Variants in MAP2K5 observed in about 807,000 individuals in gnomAD.
The protein encoded by MAP2K5 is mitogen-activated protein kinase kinase 5.
Under a neutral mutation model 83.1 loss-of-function variants are expected in MAP2K5, and 49 were observed. The observed-to-expected ratio is 0.59, with a 90% confidence interval of 0.47 to 0.75. The LOEUF is 0.75. Ranked by LOEUF, MAP2K5 falls within the 30% of genes least tolerant of loss-of-function variation. MAP2K5 has a pLI of 0.00. For synonymous variants in MAP2K5, 202 were observed against 191.8 expected (o/e 1.05, Z -0.44); for missense variants, 457 against 557.5 (o/e 0.82, Z 1.82).
Position 67,769,888 on chromosome 15 carries a change from A to C in MAP2K5, c.1196+225A>C, listed in dbSNP as rs2090109861. On this transcript the variant is annotated intron_variant, in intron 20 of 21. Transcript: ENST00000178640. The surrounding 1 kb of genome is among the most constrained non-coding windows in gnomAD (Gnocchi z 5.2). ...TACTTCAGAGCCTTTTTCCTGATTT[A>C]ATAAACTGCTGAAAGTCATGATACT... The C allele has an allele frequency of 2.3e-6, 1 of 430,726 alleles. No homozygotes were observed. Among genetic ancestry groups the C allele is most frequent in the East Asian group, 3.8e-5 (1 of 26,596 alleles). The allele number at this position is 430,726 out of a possible 1,614,324, so 26.7% of individuals were successfully genotyped here.
chr15:67,585,451 T>C (rs1473359802), intron 4 of MAP2K5, among the ~76,000 whole-genome samples: 2 of 152,236 alleles, frequency 1.3e-5, no homozygotes, highest in African/African-American at 4.8e-5. Flanking sequence ...TGTTCCATCG[T>C]AGAATCCCTA....
At chr15:67,707,828 A>G (rs2088593047) in intron 16 of MAP2K5, among the ~76,000 whole-genome samples, 1 of 152,254 alleles carries the variant, frequency 6.6e-6, no homozygotes. Context: ...ATCCCTGTAA[A>G]CACTTAAGGA....
chr15:67,574,494 C>T (rs562070848), intron 3 of MAP2K5, among the ~76,000 whole-genome samples: 1 of 151,432 alleles, frequency 6.6e-6, no homozygotes, highest in East Asian at 1.9e-4. Context: ...ATCACTTGAA[C>T]CCAGGAGGCG....
intron 16 of MAP2K5, among the ~76,000 whole-genome samples, chr15:67,718,366 T>A (rs1019814181): frequency 6.6e-6 from 1 of 152,178 alleles, no homozygotes; most frequent in Non-Finnish European, 1.5e-5. Context: ...ACAAACTTTT[T>A]AAAAGGGTGT....
Position 67,665,647 on chromosome 15 carries a change from G to A in MAP2K5, c.847+1002G>A, listed in dbSNP as rs1479862420. ...CTTCTGAAATCCTCCTTTTTAATGA[G>A]GGTATCTAGATTTTGACAAATCAAA... On this transcript the variant is annotated intron_variant, in intron 13 of 21. Coordinates refer to ENST00000178640, the MANE Select transcript of MAP2K5 (RefSeq NM_145160.3). This position sits in a 1 kb window ranked among gnomAD's most constrained non-coding sequence, Gnocchi z 4.2. Among the ~76,000 whole-genome samples the A allele has an allele frequency of 6.6e-6, 1 of 152,048 alleles. No homozygotes were observed. Among genetic ancestry groups the A allele is most frequent in the Non-Finnish European group, 1.5e-5 (1 of 68,006 alleles).
At chr15:67,549,330 A>G (rs2084462149) in intron 1 of MAP2K5, 1 of 813,794 alleles carries the variant, frequency 1.2e-6, no homozygotes. Context: ...TTTTTGTTGT[A>G]GGCTAGATTA....
chr15:67,748,284 T>G lies in MAP2K5; in HGVS notation c.1101+27T>G, dbSNP rs766288544. The G allele has an allele frequency of 1.0e-5, 16 of 1,579,258 alleles. No homozygotes were observed. Among genetic ancestry groups the G allele is most frequent in the Non-Finnish European group, 1.2e-5 (14 of 1,150,914 alleles). ...TAAGCTTTATGAGTTCAGAAAAAAA[T>G]TCACTTTTCTTTTTCCTGATGGCTG... On this transcript the variant is annotated intron_variant, in intron 18 of 21. Transcript: ENST00000178640. This position sits in a 1 kb window ranked among gnomAD's most constrained non-coding sequence, Gnocchi z 4.0.
intron 3 of MAP2K5, among the ~76,000 whole-genome samples, chr15:67,570,596 G>A (rs781296317): frequency 5.3e-5 from 8 of 152,206 alleles, no homozygotes; most frequent in Non-Finnish European, 1.0e-4. Context: ...TGAGAGGTCA[G>A]CATCATAAAG....
chr15:67,718,980 C>T (rs1223134660), intron 16 of MAP2K5, among the ~76,000 whole-genome samples: 1 of 152,012 alleles, frequency 6.6e-6, no homozygotes, highest in Non-Finnish European at 1.5e-5. Flanking sequence ...ACCTGTTGTG[C>T]CATGAATTAC....
At chr15:67,741,653 G>T (rs967517819) in intron 17 of MAP2K5, among the ~76,000 whole-genome samples, 1 of 152,114 alleles carries the variant, frequency 6.6e-6, no homozygotes, top group African/African-American at 2.4e-5. Flanking sequence ...GGGCTTCTTG[G>T]GGGTGGGGGA....
chr15:67,547,169 G>C (rs1048779611), intron 1 of MAP2K5, among the ~76,000 whole-genome samples: 3 of 151,244 alleles, frequency 2.0e-5, no homozygotes, highest in Non-Finnish European at 4.4e-5. Context: ...AAATACTATT[G>C]GCTGTTTATG....
In MAP2K5 at chr15:67,748,332, C is replaced by A; in HGVS notation, c.1101+75C>A. On this transcript the variant is annotated intron_variant, in intron 18 of 21. Transcript: ENST00000178640. This position sits in a 1 kb window ranked among gnomAD's most constrained non-coding sequence, Gnocchi z 4.0. ...CTGCTTCCTTTGCATGCTTGAATGC[C>A]TTGTTTTAAACTTAGCAAATTGCAT... The A allele has an allele frequency of 7.7e-7, 1 of 1,291,814 alleles. No homozygotes were observed. The highest frequency in any genetic ancestry group is 1.1e-6 in the Non-Finnish European group (1 of 894,250). The allele number at this position is 1,291,814 out of a possible 1,614,324, so 80.0% of individuals were successfully genotyped here.
chr15:67,798,679 G>T (rs550209384), intron 21 of MAP2K5, among the ~76,000 whole-genome samples: 42 of 152,322 alleles, frequency 2.8e-4, no homozygotes, highest in African/African-American at 9.6e-4. Context: ...GTCTAGGATG[G>T]CTAGAGGTAA....
chr15:67,729,758 C>T lies in MAP2K5; in HGVS notation c.1074+1813C>T, dbSNP rs542612529. 3.2e-4 allele frequency among the ~76,000 whole-genome samples: 48 copies of T among 152,114 alleles called. No individual in the cohort carries two copies. The South Asian group carries it at 9.5e-3, about 30-fold the overall frequency. On this transcript the variant is annotated intron_variant, in intron 17 of 21. Transcript: ENST00000178640. ...CAGCCTGGGCAACAGAGCAAGATTC[C>T]GTCTCAAAAACAAAAAAAAGAAATG...
intron 17 of MAP2K5, among the ~76,000 whole-genome samples, chr15:67,734,878 T>G (rs1007122262): frequency 1.3e-5 from 2 of 152,202 alleles, no homozygotes; most frequent in African/African-American, 4.8e-5. Context: ...CTTCAAGTAC[T>G]CACCTTTAAT....
chr15:67,671,019 T>G (rs185593581), intron 13 of MAP2K5, among the ~76,000 whole-genome samples: 115 of 152,330 alleles, frequency 7.5e-4, no homozygotes, highest in African/African-American at 2.6e-3. Flanking sequence ...CATTCCCAAT[T>G]CAGTCCTACT....
chr15:67,684,539 G>C (rs534942021), intron 13 of MAP2K5, among the ~76,000 whole-genome samples: 1 of 152,130 alleles, frequency 6.6e-6, no homozygotes, highest in Non-Finnish European at 1.5e-5. Context: ...TCACAATGTT[G>C]ACAATCCAAA....
In MAP2K5 at chr15:67,727,911, C is replaced by T; in HGVS notation, c.1045-5C>T. The T allele has an allele frequency of 6.2e-7, 1 of 1,610,212 alleles. No homozygotes were observed. Among genetic ancestry groups the T allele is most frequent in the Non-Finnish European group, 8.5e-7 (1 of 1,176,540 alleles). ...TAACTAGACAAATATTATTTCCTTT[C>T]CCAGCTTGCTCTTGGGAGGTTTCCA... On this transcript the variant is annotated splice_region_variant and splice_polypyrimidine_tract_variant and intron_variant, in intron 16 of 21. Transcript: ENST00000178640.
At position 67,804,274 on chromosome 15, in the gene MAP2K5, C is replaced by T. The variant is rs558788353; in HGVS notation, c.1243-2372C>T. Among the ~76,000 whole-genome samples, 33 of 152,342 alleles carry T rather than the reference C, an allele frequency of 2.2e-4. 2 individuals are homozygous for T. The South Asian group carries it at 3.1e-3, about 14-fold the overall frequency. On this transcript the variant is annotated intron_variant, in intron 21 of 21. Coordinates refer to ENST00000178640, the MANE Select transcript of MAP2K5 (RefSeq NM_145160.3). ...CAAGTCCACAGTGCACAGCCTAGGA[C>T]GCTGGGTCCCCTCCATGTCTGTCCC... is the stretch of plus-strand genomic sequence containing the variant.
Sources: allele counts gnomAD v4.1 joint callset (sites outside exome capture counted in the v4.1 genomes callset), GRCh38; gene constraint gnomAD v4.1.1; non-coding constraint Gnocchi (gnomAD v3.1); transcripts MANE v1.5; gene names NCBI Gene and HGNC (gene_info 2026-07-23, HGNC 2026-07-21).